Variants in NCF2 observed in about 807,000 individuals in gnomAD.
NCF2 encodes the protein neutrophil cytosolic factor 2.
NCF2 carries 45 observed loss-of-function variants against 70.9 expected under a neutral mutation model. The ratio of observed to expected loss-of-function variants is 0.63; its 90% CI spans 0.50 to 0.81. NCF2 has a LOEUF of 0.81. Ranked by LOEUF, NCF2 falls within the 40% of genes least tolerant of loss-of-function variation. The pLI, the probability that NCF2 is intolerant of heterozygous loss-of-function variation, is 0.00. For synonymous variants in NCF2, 203 were observed against 233.6 expected (o/e 0.87, Z 1.19); for missense variants, 522 against 631.6 (o/e 0.83, Z 1.86).
At chr1:183,599,423 C>CTTTCTTTCTTTCTTTCTTTCT in the NCF2 span, among the ~76,000 whole-genome samples, 37 of 107,508 alleles carry the variant, frequency 3.4e-4, no homozygotes, top group African/African-American at 1.4e-3. Context: ...TCTTTCTTTC[C>CTTTCTTTCTTTCTTTCTTTCT]TTCTTTCTTT....
intron 14 of NCF2, among the ~76,000 whole-genome samples, chr1:183,557,030 T>A (rs1671819057): frequency 6.6e-6 from 1 of 152,256 alleles, no homozygotes. Context: ...ATAAATATTT[T>A]AATAGCTCCT....
chr1:183,563,120 T>C, intron 13 of NCF2, 75 bp downstream of exon 13: 1 of 1,317,508 alleles, frequency 7.6e-7, no homozygotes, highest in South Asian at 1.2e-5. Flanking sequence ...ACACAGAAGG[T>C]GCTTGATAAA....
intron 1 of NCF2, 84 bp downstream of exon 1, chr1:183,590,072 G>C: frequency 6.3e-7 from 1 of 1,588,960 alleles, no homozygotes; most frequent in Non-Finnish European, 8.6e-7. Flanking sequence ...TCTCCCCAGA[G>C]GTTAGGTTTC....
At chr1:183,563,664 A>G in intron 11 of NCF2, 79 bp from the exon 12 acceptor site, 1 of 1,578,036 alleles carries the variant, frequency 6.3e-7, no homozygotes. Flanking sequence ...CAGTTTCGTG[A>G]TTTGGCACAG....
intron 4 of NCF2, 68 bp downstream of exon 4, chr1:183,574,419 G>A: frequency 6.2e-7 from 1 of 1,607,884 alleles, no homozygotes; most frequent in Non-Finnish European, 8.5e-7. Flanking sequence ...CTTCTCAATG[G>A]CATGTCCTCT....
At chr1:183,568,635 C>T (rs946286730) in intron 7 of NCF2, among the ~76,000 whole-genome samples, 3 of 150,594 alleles carry the variant, frequency 2.0e-5, no homozygotes, top group Non-Finnish European at 4.4e-5. Flanking sequence ...AAGCATGTGC[C>T]GATAGGGAGT....
At chr1:183,571,898 G>A (rs1672580765) in intron 5 of NCF2, among the ~76,000 whole-genome samples, 1 of 152,132 alleles carries the variant, frequency 6.6e-6, no homozygotes, top group Non-Finnish European at 1.5e-5. Flanking sequence ...ATGTTTTCAA[G>A]GTCCATCCAT....
At chr1:183,593,736 C>G (rs1673727133), upstream of NCF2, among the ~76,000 whole-genome samples, 2 of 152,158 alleles carry the variant, frequency 1.3e-5, no homozygotes, top group African/African-American at 4.8e-5. Context: ...TCCCTCAATG[C>G]AGGGGCAGTC....
chr1:183,582,030 C>T (rs1320152710), intron 2 of NCF2, among the ~76,000 whole-genome samples: 11 of 152,254 alleles, frequency 7.2e-5, no homozygotes, highest in Non-Finnish European at 1.5e-4. Context: ...CCCCTCGTTC[C>T]CTGCTGCAGG....
In NCF2 at chr1:183,560,243, C is replaced by T. The variant is rs759940920; in HGVS notation, c.1321G>A (p.Glu441Lys). The change falls in exon 14 of 15, where the codon GAA becomes AAA. Residue 441 changes from glutamate to lysine, a missense_variant. Glu to Lys is a moderately conservative substitution (Grantham distance 56). Coordinates refer to ENST00000367535, the MANE Select transcript of NCF2 (RefSeq NM_000433.4). ...TTATTAGCATCAGCTTTTTCACTTT[C>T]CTTGGGTTCATCTGGAAAGCCTTGG... is the stretch of plus-strand genomic sequence containing the variant. ...GDQGFPDEPK[E>K]SEKADANNQT... 31 of 1,614,048 alleles carry T rather than the reference C, an allele frequency of 1.9e-5. No individual in the cohort carries two copies. Among genetic ancestry groups the T allele is most frequent in the Non-Finnish European group, 1.1e-5 (13 of 1,180,048 alleles).
At chr1:183,563,705 G>GT in intron 11 of NCF2, 120 bp from the exon 12 acceptor site, 1 of 1,261,604 alleles carries the variant, frequency 7.9e-7, no homozygotes, top group Non-Finnish European at 1.1e-6. Context: ...GGAGAGGCCA[G>GT]TAAGTAACTG....
intron 1 of NCF2, among the ~76,000 whole-genome samples, chr1:183,587,860 C>T (rs951584789): frequency 2.0e-5 from 3 of 152,042 alleles, no homozygotes; most frequent in Admixed American, 2.0e-4. Context: ...ATAAAAAATA[C>T]ATATCTATAT....
the NCF2 span, among the ~76,000 whole-genome samples, chr1:183,599,407 TTTCTTTCTTTCTTTCC>T: frequency 2.4e-3 from 324 of 134,576 alleles, 3 homozygotes; most frequent in Middle Eastern, 7.2e-3. Context: ...CCTCTTTTTC[TTTCTTTCTTTCTTTCC>T]TTCTTTCTTT....
At chr1:183,568,502 C>A (rs2102893763) in intron 7 of NCF2, among the ~76,000 whole-genome samples, 1 of 151,938 alleles carries the variant, frequency 6.6e-6, no homozygotes, top group South Asian at 2.1e-4. Flanking sequence ...GGTGGGAGGA[C>A]CAGGCTTGCT....
intron 11 of NCF2, 156 bp downstream of exon 11, chr1:183,563,849 T>C (rs1485906181): frequency 1.4e-5 from 13 of 904,166 alleles, no homozygotes; most frequent in Non-Finnish European, 2.4e-5. Context: ...GAGGAGGCTA[T>C]TAAGAAGGTC....
chr1:183,558,275 G>GTT (rs572351199), intron 14 of NCF2, among the ~76,000 whole-genome samples: 1 of 144,430 alleles, frequency 6.9e-6, no homozygotes, highest in Non-Finnish European at 1.5e-5. Context: ...TTTTGTTTTT[G>GTT]TTTTTTTTTT....
At chr1:183,566,569 C>T (rs1672308329) in intron 9 of NCF2, among the ~76,000 whole-genome samples, 1 of 152,168 alleles carries the variant, frequency 6.6e-6, no homozygotes, top group Admixed American at 6.5e-5. Flanking sequence ...TGGCATTGTA[C>T]CAGCCAACAC....
chr1:183,585,433 G>A (rs1372615020), intron 2 of NCF2, among the ~76,000 whole-genome samples: 1 of 152,056 alleles, frequency 6.6e-6, no homozygotes, highest in African/African-American at 2.4e-5. Context: ...AGACCAGCGT[G>A]GCCAACATGG....
At chr1:183,563,659 T>C (rs1672177718) in intron 11 of NCF2, 74 bp from the exon 12 acceptor site, 10 of 1,591,126 alleles carry the variant, frequency 6.3e-6, no homozygotes, top group Non-Finnish European at 6.0e-6. Context: ...CACCGCAGTT[T>C]CGTGATTTGG....
Sources: allele counts gnomAD v4.1 joint callset (sites outside exome capture counted in the v4.1 genomes callset), GRCh38; gene constraint gnomAD v4.1.1; transcripts MANE v1.5; gene names NCBI Gene and HGNC (gene_info 2026-07-23, HGNC 2026-07-21).